Variants in TTC22 observed in about 807,000 individuals in gnomAD.
TTC22 encodes the protein tetratricopeptide repeat protein 22.
In TTC22, 42 loss-of-function variants were observed where a neutral mutation model predicts 48.2. That is an observed-to-expected ratio of 0.87 (90% CI 0.68 to 1.13). The LOEUF (loss-of-function observed/expected upper bound fraction) is 1.13. Among genes scored for constraint, TTC22 ranks in the 50% most tolerant of loss-of-function variants. The pLI is 0.00. For synonymous variants in TTC22, 345 were observed against 365.5 expected (o/e 0.94, Z 0.64); for missense variants, 784 against 807.0 (o/e 0.97, Z 0.34).
Position 54,800,903 on chromosome 1 carries a change from C to T in TTC22, c.261G>A (p.Glu87=), listed in dbSNP as rs1236771738. 1.2e-6 allele frequency: 2 copies of T among 1,610,126 alleles called. No individual in the cohort carries two copies. Among genetic ancestry groups the T allele is most frequent in the East Asian group, 2.2e-5 (1 of 44,772 alleles). ...GCTCGTGGGCCACCTCGAGGAAGCA[C>T]TCGCGGGCCTCGTCCAGCTCCTCCA... ...FYLEELDEAR[E]CFLEVAHEHP... The change falls in exon 1 of 7, where the codon GAG becomes GAA. Residue 87 remains glutamate, a synonymous_variant. Coordinates refer to ENST00000371276, the MANE Select transcript of TTC22 (RefSeq NM_001114108.2).
In TTC22 at chr1:54,787,802, C is replaced by T; in HGVS notation, c.648G>A (p.Leu216=). 1 of 1,611,638 alleles carries T rather than the reference C, an allele frequency of 6.2e-7. No individual in the cohort carries two copies. The highest frequency in any genetic ancestry group is 8.5e-7 in the Non-Finnish European group (1 of 1,178,930). ...GCAGTCTCTTCTGCTCCTCACTGCC[C>T]AGCTCCAGGAAGATGCCATCTAGCC... ...YIRLDGIFLE[L]GSEEQKRLPA... is the part of the protein sequence containing the mutation. The change falls in exon 3 of 7, where the codon CTG becomes CTA. Residue 216 remains leucine, a synonymous_variant. Coordinates refer to ENST00000371276, the MANE Select transcript of TTC22 (RefSeq NM_001114108.2).
chr1:54,789,224 G>A (rs912530243), intron 1 of TTC22, among the ~76,000 whole-genome samples: 1 of 152,202 alleles, frequency 6.6e-6, no homozygotes, highest in Non-Finnish European at 1.5e-5. Flanking sequence ...ATGAAGCCAG[G>A]CCTGATAGAG....
Position 54,788,224 on chromosome 1 carries a change from C to T in TTC22, c.568-127G>A, listed in dbSNP as rs928420469. ...GTGGGAAGGGCTTTGACCTTAAACA[C>T]CTTTGATTACAGTCCTGGTTCTGCC... On this transcript the variant is annotated intron_variant, in intron 1 of 6. Coordinates refer to ENST00000371276, the MANE Select transcript of TTC22 (RefSeq NM_001114108.2). 9.3e-6 allele frequency: 8 copies of T among 862,550 alleles called. 1 individual carries two copies. Among genetic ancestry groups the T allele is most frequent in the African/African-American group, 1.7e-5 (1 of 60,542 alleles). The allele number at this position is 862,550 out of a possible 1,614,324, so 53.4% of individuals were successfully genotyped here.
chr1:54,785,355 G>A (rs1228503047), intron 5 of TTC22: 5 of 288,370 alleles, frequency 1.7e-5, no homozygotes, highest in Admixed American at 9.8e-5. Context: ...AGTTTGTGGG[G>A]GTAAGTGGCT....
In TTC22 at chr1:54,781,435, G is replaced by C; in HGVS notation, c.1518C>G (p.Asp506Glu). Reference protein sequence around the residue: ...EVDAWLRRAQDKYPAARLRQE... With the variant: ...EVDAWLRRAQEKYPAARLRQE... Reference sequence around the variant, plus strand: ...GGCGCAGGCGCGCCGCGGGGTACTTGTCCTGGGCGCGGCGCAGCCAGGCGT... The same window carrying C: ...GGCGCAGGCGCGCCGCGGGGTACTTCTCCTGGGCGCGGCGCAGCCAGGCGT... Residue 506 changes from aspartate to glutamate, a missense_variant, in exon 7 of 7, where the codon GAC becomes GAG. Transcript: ENST00000371276. 1 of 1,437,534 alleles carries C rather than the reference G, an allele frequency of 7.0e-7. No homozygotes were observed. Among genetic ancestry groups the C allele is most frequent in the East Asian group, 3.0e-5 (1 of 33,770 alleles). 89.0% of individuals were successfully genotyped at this position (1,437,534 alleles called of 1,614,324 possible). A position where few individuals can be genotyped will look rare whatever the true frequency, so the allele number is the denominator to read the frequency against.
At chr1:54,786,538 TA>T (rs1186831352) in intron 4 of TTC22, 1 of 246,638 alleles carries the variant, frequency 4.1e-6, no homozygotes, top group African/African-American at 2.2e-5. Context: ...TAATAACACT[TA>T]CCCTCACTAT....
chr1:54,784,499 G>A (rs962041629), intron 5 of TTC22: 2 of 988,100 alleles, frequency 2.0e-6, no homozygotes, highest in Non-Finnish European at 2.4e-6. Flanking sequence ...GACATGTCCG[G>A]CCTCTCTCAG....
intron 1 of TTC22, 41 bp downstream of exon 1, chr1:54,800,556 C>G: frequency 1.0e-5 from 14 of 1,388,164 alleles, no homozygotes; most frequent in Non-Finnish European, 1.2e-5. Flanking sequence ...GGGAGGACCA[C>G]AGTCCTCCCA....
At position 54,782,467 on chromosome 1, in the gene TTC22, C is replaced by T. The variant is rs1240663278; in HGVS notation, c.1031G>A (p.Arg344Lys). ...AYCTRAKIHI[R>K]AYLHDLKRAK... is the part of the protein sequence containing the mutation. ...CCGCTTGAGGTCATGCAGGTAGGCT[C>T]TGATGTGGATCTGCCAACAGAGAGC... is the stretch of plus-strand genomic sequence containing the variant. Residue 344 changes from arginine to lysine, a missense_variant, in exon 6 of 7, where the codon AGA (arginine) becomes AAA (lysine). Coordinates refer to ENST00000371276, the MANE Select transcript of TTC22 (RefSeq NM_001114108.2). 6.5e-7 allele frequency: 1 copy of T among 1,547,364 alleles called. No homozygotes were observed. The highest frequency in any genetic ancestry group is 1.4e-5 in the African/African-American group (1 of 72,818).
In TTC22 at chr1:54,787,903, G is replaced by A. The variant is rs989914133; in HGVS notation, c.624-77C>T. 154 of 1,461,656 alleles carry A rather than the reference G, an allele frequency of 1.1e-4. 1 individual carries two copies. The highest frequency in any genetic ancestry group is 5.0e-4 in the Admixed American group (27 of 53,854). The allele number at this position is 1,461,656 out of a possible 1,614,324, so 90.5% of individuals were successfully genotyped here. A position where few individuals can be genotyped will look rare whatever the true frequency, so the allele number is the denominator to read the frequency against. ...TGTGCTGCCAGCCCTGCCCAGGCCT[G>A]TGGTGGTGGGGGGTGGCGGTTTGGG... On this transcript the variant is annotated intron_variant, in intron 2 of 6. Transcript: ENST00000371276.
chr1:54,787,205 C>T (rs997853022), intron 3 of TTC22, 130 bp from the exon 4 acceptor site: 2 of 559,040 alleles, frequency 3.6e-6, no homozygotes, highest in South Asian at 4.9e-5. Flanking sequence ...CTGAGGGCAA[C>T]ACAGGGACAG....
intron 3 of TTC22, 186 bp from the exon 4 acceptor site, chr1:54,787,261 C>A (rs935404876): frequency 3.7e-6 from 2 of 541,404 alleles, no homozygotes; most frequent in Non-Finnish European, 6.5e-6. Context: ...GGTTAGTGAA[C>A]CCATTTTAGT....
At position 54,788,251 on chromosome 1, in the gene TTC22, C is replaced by T. The variant is rs181775894; in HGVS notation, c.568-154G>A. Among the ~76,000 whole-genome samples the T allele has an allele frequency of 1.8e-3, 268 of 152,294 alleles. 2 individuals are homozygous for T. Among genetic ancestry groups the T allele is most frequent in the Admixed American group, 0.015 (233 of 15,294 alleles). On this transcript the variant is annotated intron_variant, in intron 1 of 6. Transcript: ENST00000371276. ...TTTGATTACAGTCCTGGTTCTGCCC[C>T]TGACTGGCTGGGTGGCCTTGGGCAA... is the stretch of plus-strand genomic sequence containing the variant.
chr1:54,782,353 C>A lies in TTC22; in HGVS notation c.1145G>T (p.Gly382Val). The A allele has an allele frequency of 1.9e-6, 3 of 1,547,920 alleles. No homozygotes were observed. The highest frequency in any genetic ancestry group is 2.6e-6 in the Non-Finnish European group (3 of 1,145,294). ...DLEEVVRVCP[G>V]FKAYLDIGQV... Reference sequence around the variant, plus strand: ...GCCGATGTCCAGGTACGCCTTGAAGCCTGGGCACACCCTGACCACTTCCTC... The same window carrying A: ...GCCGATGTCCAGGTACGCCTTGAAGACTGGGCACACCCTGACCACTTCCTC... Residue 382 changes from glycine (G) to valine (V), a missense_variant, in exon 6 of 7, where the codon GGC (glycine) becomes GTC (valine). By Grantham distance (109) the Gly-to-Val change is moderately radical. Transcript: ENST00000371276.
intron 5 of TTC22, among the ~76,000 whole-genome samples, chr1:54,783,278 A>T (rs1456543749): frequency 4.6e-5 from 7 of 152,168 alleles, no homozygotes; most frequent in African/African-American, 1.7e-4. Context: ...GGTCAGTTGG[A>T]CTAGGGTTTG....
rs1312256563 is a variant in TTC22 at position 54,801,181 on chromosome 1, C to T, written c.-18G>A. The T allele has an allele frequency of 6.2e-7, 1 of 1,608,204 alleles. No individual in the cohort carries two copies. Among genetic ancestry groups the T allele is most frequent in the South Asian group, 1.1e-5 (1 of 90,884 alleles). ...TCCGCCATGACTGCTCCCTCTGCTC[C>T]CCTGGCCTCACCCTTGTCCCTGAGG... On this transcript the variant is annotated 5_prime_UTR_variant, in exon 1 of 7. Transcript: ENST00000371276.
chr1:54,793,213 T>C (rs891603369), intron 1 of TTC22, among the ~76,000 whole-genome samples: 3 of 152,156 alleles, frequency 2.0e-5, no homozygotes, highest in African/African-American at 4.8e-5. Flanking sequence ...TGCTGTTCTG[T>C]AGCAGATTCA....
chr1:54,781,468 G>A lies in TTC22; in HGVS notation c.1485C>T (p.Arg495=), dbSNP rs755754613. The change falls in exon 7 of 7, where the codon CGC becomes CGT. Residue 495 remains arginine (R), a synonymous_variant. Transcript: ENST00000371276. The part of the protein sequence containing the change: ...QAQLSDGELG[R]EVDAWLRRAQ... ...CGCGGCGCAGCCAGGCGTCCACCTC[G>A]CGGCCCAGCTCCCCGTCGCTCAGCT... 1.1e-4 allele frequency: 160 copies of A among 1,461,884 alleles called. 1 individual carries two copies. The highest frequency in any genetic ancestry group is 7.0e-4 in the Middle Eastern group (3 of 4,260). 90.6% of individuals were successfully genotyped at this position (1,461,884 alleles called of 1,614,324 possible).
chr1:54,796,546 G>A (rs764894617), intron 1 of TTC22, among the ~76,000 whole-genome samples: 1 of 152,268 alleles, frequency 6.6e-6, no homozygotes, highest in Non-Finnish European at 1.5e-5. Flanking sequence ...TCAGTGCCCG[G>A]TGCACAGACA....
Sources: allele counts gnomAD v4.1 joint callset (sites outside exome capture counted in the v4.1 genomes callset), GRCh38; gene constraint gnomAD v4.1.1; transcripts MANE v1.5; gene names NCBI Gene and HGNC (gene_info 2026-07-23, HGNC 2026-07-21).